ZFYVE9: variants seen among roughly 807,000 people sequenced by gnomAD.
ZFYVE9 encodes zinc finger FYVE-type containing 9.
ZFYVE9 carries 43 observed loss-of-function variants against 126.7 expected under a neutral mutation model. The observed-to-expected ratio is 0.34, with a 90% CI of 0.27 to 0.44. The LOEUF (loss-of-function observed/expected upper bound fraction) is 0.44. Ranked by LOEUF, ZFYVE9 falls within the 20% of genes least tolerant of loss-of-function variation. ZFYVE9 has a pLI of 1.00. For synonymous variants in ZFYVE9, 521 were observed against 597.4 expected, an observed-to-expected ratio of 0.87 and a Z score of 1.87; for missense variants, 1,476 against 1,697.0, an observed-to-expected ratio of 0.87 and a Z score of 2.29.
chr1:52,264,073 T>C, intron 5 of ZFYVE9: 1 of 342,654 alleles, frequency 2.9e-6, no homozygotes, highest in Non-Finnish European at 5.3e-6. Context: ...ATTTAATGAA[T>C]AAATGCTAAA....
intron 1 of ZFYVE9, chr1:52,180,279 G>T: frequency 6.3e-7 from 1 of 1,599,962 alleles, no homozygotes; most frequent in Admixed American, 1.7e-5. Context: ...ATTTATCAAA[G>T]CCATTTCAAC....
At chr1:52,195,287 A>G (rs1644850011) in intron 1 of ZFYVE9, among the ~76,000 whole-genome samples, 1 of 152,216 alleles carries the variant, frequency 6.6e-6, no homozygotes, top group Non-Finnish European at 1.5e-5. Flanking sequence ...GTTGTTTCCA[A>G]ATATATACAT....
chr1:52,149,153 G>A (rs1361526466), intron 1 of ZFYVE9, among the ~76,000 whole-genome samples: 2 of 150,878 alleles, frequency 1.3e-5, no homozygotes, highest in African/African-American at 2.4e-5. Context: ...GAGTAGAGAT[G>A]GGGTTTTGCC....
intron 10 of ZFYVE9, among the ~76,000 whole-genome samples, chr1:52,288,003 A>G (rs1230167280): frequency 6.6e-6 from 1 of 152,218 alleles, no homozygotes; most frequent in Non-Finnish European, 1.5e-5. Context: ...GTTATATGGA[A>G]CTATTTATGA....
chr1:52,167,791 G>A (rs1255740524), intron 1 of ZFYVE9, among the ~76,000 whole-genome samples: 1 of 152,130 alleles, frequency 6.6e-6, no homozygotes, highest in Non-Finnish European at 1.5e-5. Context: ...AACTTCAAGA[G>A]AGCCTTCATG....
intron 1 of ZFYVE9, among the ~76,000 whole-genome samples, chr1:52,192,133 G>C (rs1272007364): frequency 6.6e-6 from 1 of 151,964 alleles, no homozygotes; most frequent in East Asian, 1.9e-4. Context: ...TGCAAATCAG[G>C]GTGTAATCTT....
Position 52,212,558 on chromosome 1 carries a change from A to G in ZFYVE9, c.-142-3811A>G, listed in dbSNP as rs565323356. Among the ~76,000 whole-genome samples the G allele has an allele frequency of 8.5e-5, 13 of 152,356 alleles. No individual in the cohort carries two copies. In the South Asian group the frequency reaches 2.3e-3, roughly 27 times the overall value. On this transcript the variant is annotated intron_variant, in intron 1 of 18. Coordinates refer to ENST00000287727, the MANE Select transcript of ZFYVE9 (RefSeq NM_004799.4). ...ACTATATGAACCACTCTAGGCGAGA[A>G]CTGATGAGGGCCTAAGCTAAGGCAG...
At chr1:52,202,349 G>A (rs1026947868) in intron 1 of ZFYVE9, among the ~76,000 whole-genome samples, 7 of 151,744 alleles carry the variant, frequency 4.6e-5, no homozygotes, top group African/African-American at 7.3e-5. Context: ...GCCTGATCTC[G>A]GTTAACCTCA....
Position 52,184,197 on chromosome 1 carries a change from T to TTA in ZFYVE9, c.-142-32160_-142-32159dup, listed in dbSNP as rs148179153. ...GGCATTTCTTTAATGACAAGTGTCATTATATATATATATTTATATATATAG... is the reference window on the plus strand; with the variant it reads ...GGCATTTCTTTAATGACAAGTGTCATTATATATATATATATTTATATATATAG... On this transcript the variant is annotated intron_variant, in intron 1 of 18. Coordinates refer to ENST00000287727, the MANE Select transcript of ZFYVE9 (RefSeq NM_004799.4). Among the ~76,000 whole-genome samples, 562 of 145,084 alleles carry TTA rather than the reference T, an allele frequency of 3.9e-3. 2 individuals carry two copies. The highest frequency in any genetic ancestry group is 0.013 in the African/African-American group (511 of 39,282).
chr1:52,313,877 A>G (rs1646159314), intron 13 of ZFYVE9, among the ~76,000 whole-genome samples: 2 of 152,244 alleles, frequency 1.3e-5, no homozygotes, highest in Non-Finnish European at 1.5e-5. Context: ...TGCTGAAGAA[A>G]AAACTCGTGA....
At chr1:52,185,014 T>TGATA (rs1644751977) in intron 1 of ZFYVE9, among the ~76,000 whole-genome samples, 1 of 152,200 alleles carries the variant, frequency 6.6e-6, no homozygotes, top group African/African-American at 2.4e-5. Context: ...AAAAAAGAAT[T>TGATA]GATAAAATGT....
At chr1:52,233,690 G>C (rs936645467) in intron 3 of ZFYVE9, among the ~76,000 whole-genome samples, 2 of 152,184 alleles carry the variant, frequency 1.3e-5, no homozygotes, top group Non-Finnish European at 2.9e-5. Flanking sequence ...ATAAAGTAAA[G>C]ATACATTTAA....
chr1:52,233,528 A>T (rs1290216026), intron 3 of ZFYVE9, among the ~76,000 whole-genome samples: 1 of 152,218 alleles, frequency 6.6e-6, no homozygotes, highest in Non-Finnish European at 1.5e-5. Flanking sequence ...TCTCAGAGTT[A>T]TCTTGTGAAC....
At chr1:52,166,431 A>T (rs1420702389) in intron 1 of ZFYVE9, among the ~76,000 whole-genome samples, 1 of 152,212 alleles carries the variant, frequency 6.6e-6, no homozygotes. Context: ...ACCTCATAAG[A>T]TTACCTAGCC....
At position 52,142,265 on chromosome 1, in the gene ZFYVE9, G is replaced by A. The variant is rs1211249218; in HGVS notation, c.-281G>A. 2 of 151,722 alleles carry A rather than the reference G, an allele frequency of 1.3e-5. No homozygotes were observed. Among genetic ancestry groups the A allele is most frequent in the Non-Finnish European group, 2.9e-5 (2 of 67,852 alleles). 9.4% of individuals were successfully genotyped at this position (151,722 alleles called of 1,614,324 possible). ...GGCCTTAGCAGCAGTAGCAGCCGCA[G>A]CTGCGGCTACCGCAGCTCCTACAGG... On this transcript the variant is annotated 5_prime_UTR_variant, in exon 1 of 19. Coordinates refer to ENST00000287727, the MANE Select transcript of ZFYVE9 (RefSeq NM_004799.4). This position sits in a 1 kb window ranked among gnomAD's most constrained non-coding sequence, Gnocchi z 4.5.
At chr1:52,147,507 T>G (rs1310157962) in intron 1 of ZFYVE9, among the ~76,000 whole-genome samples, 1 of 152,264 alleles carries the variant, frequency 6.6e-6, no homozygotes, top group Non-Finnish European at 1.5e-5. Flanking sequence ...GATATATGAC[T>G]GGTTTCTCTT....
intron 13 of ZFYVE9, among the ~76,000 whole-genome samples, chr1:52,325,741 A>G (rs940744079): frequency 6.6e-6 from 1 of 152,230 alleles, no homozygotes; most frequent in Non-Finnish European, 1.5e-5. Flanking sequence ...CAAAGGCCCT[A>G]TGCTAAGCCT....
intron 10 of ZFYVE9, among the ~76,000 whole-genome samples, chr1:52,282,554 G>T (rs1049340537): frequency 6.6e-6 from 1 of 152,134 alleles, no homozygotes; most frequent in East Asian, 1.9e-4. Context: ...GAGGGTGACC[G>T]GGGTATTAAA....
At chr1:52,191,874 A>C (rs1024308802) in intron 1 of ZFYVE9, among the ~76,000 whole-genome samples, 12 of 152,248 alleles carry the variant, frequency 7.9e-5, no homozygotes, top group Admixed American at 3.3e-4. Context: ...AATAAAATCC[A>C]GAGACCCAAA....
Sources: gnomAD v4.1 joint callset for allele counts (sites outside exome capture counted in the v4.1 genomes callset) on GRCh38, gnomAD v4.1.1 for gene constraint, Gnocchi (gnomAD v3.1) non-coding constraint, MANE v1.5 for transcripts, NCBI Gene and HGNC (gene_info 2026-07-23, HGNC 2026-07-21) for gene names.